SRSF9: variants seen among roughly 807,000 people sequenced by gnomAD.
SRSF9 encodes serine and arginine rich splicing factor 9, also known as serine/arginine-rich splicing factor 9.
In SRSF9, 3 loss-of-function variants were observed where a neutral mutation model predicts 25.9. The observed-to-expected ratio is 0.12, with a 90% confidence interval of 0.05 to 0.30. SRSF9 has a LOEUF of 0.30. Ranked by LOEUF, SRSF9 falls within the 10% of genes least tolerant of loss-of-function variation. SRSF9 has a pLI of 1.00. For synonymous variants in SRSF9, 114 were observed against 113.2 expected (o/e 1.01, Z -0.05); for missense variants, 161 against 303.5 (o/e 0.53, Z 3.49).
intron 2 of SRSF9, chr12:120,464,870 G>A (rs1878448319): frequency 6.6e-6 from 1 of 152,184 alleles, no homozygotes; most frequent in Admixed American, 6.5e-5. Context: ...GATAATGTAT[G>A]ACATCCTGAA....
intron 1 of SRSF9, among the ~76,000 whole-genome samples, chr12:120,467,418 T>C (rs1878503601): frequency 6.6e-6 from 1 of 152,126 alleles, no homozygotes. Flanking sequence ...CGAGAATCTC[T>C]TGAACCCAGG....
intron 3 of SRSF9, chr12:120,462,530 C>T (rs1186797215): frequency 5.8e-6 from 1 of 171,644 alleles, no homozygotes; most frequent in African/African-American, 2.4e-5. Context: ...AATCCCCTGC[C>T]ACCTCATGTA....
At chr12:120,463,362 G>A (rs1195752593) in intron 3 of SRSF9, 1 of 151,880 alleles carries the variant, frequency 6.6e-6, no homozygotes, top group Non-Finnish European at 1.5e-5. Context: ...GGGCCCAGGA[G>A]TTCAAGGTCA....
chr12:120,466,335 G>A (rs141994924), intron 1 of SRSF9, among the ~76,000 whole-genome samples: 278 of 152,132 alleles, frequency 1.8e-3, no homozygotes, highest in African/African-American at 5.8e-3. Flanking sequence ...GGGTGACAGA[G>A]ACCCTGTCCC....
intron 3 of SRSF9, 171 bp from the exon 4 acceptor site, chr12:120,462,333 T>C (rs969855264): frequency 1.8e-6 from 1 of 565,492 alleles, no homozygotes; most frequent in Non-Finnish European, 2.9e-6. Flanking sequence ...GTAGGTACTC[T>C]TACTATCCCA....
At chr12:120,465,816 C>T (rs755766985) in intron 1 of SRSF9, 29 bp from the exon 2 acceptor site, 3 of 1,561,132 alleles carry the variant, frequency 1.9e-6, no homozygotes, top group South Asian at 1.2e-5. Context: ...ACAAAAAAAA[C>T]GTTTGGAGTT....
At chr12:120,468,160 G>A (rs1842416847) in intron 1 of SRSF9, among the ~76,000 whole-genome samples, 1 of 144,530 alleles carries the variant, frequency 6.9e-6, no homozygotes, top group South Asian at 2.2e-4. Context: ...CAGGCTGGGC[G>A]GGTTGCTCAC....
intron 1 of SRSF9, 71 bp from the exon 2 acceptor site, chr12:120,465,858 A>G: frequency 6.9e-7 from 1 of 1,446,192 alleles, no homozygotes. Context: ...TGACTTTCCA[A>G]GTGAGGGGCA....
In SRSF9 at chr12:120,468,824, A is replaced by G. The variant is rs374385949; in HGVS notation, c.188+598T>C. ...AGCATCTCGCCAAGCCTCCCTCATCAAAGGAGGGAAGTGAAATCAGAGCCC... is the reference window on the plus strand; with the variant it reads ...AGCATCTCGCCAAGCCTCCCTCATCGAAGGAGGGAAGTGAAATCAGAGCCC... On this transcript the variant is annotated intron_variant, in intron 1 of 3. Coordinates refer to ENST00000229390, the MANE Select transcript of SRSF9 (RefSeq NM_003769.3). 2.0e-4 allele frequency among the ~76,000 whole-genome samples: 31 copies of G among 152,256 alleles called. No individual in the cohort carries two copies. In the East Asian group the frequency reaches 2.7e-3, roughly 13 times the overall value.
rs1191665929 is a variant in SRSF9, at chr12:120,467,340, A to T, written c.189-1553T>A. Among the ~76,000 whole-genome samples the T allele has an allele frequency of 2.6e-5, 4 of 152,064 alleles. No individual in the cohort carries two copies. The East Asian group carries it at 7.7e-4, about 29-fold the overall frequency. ...CTGGTGAAACCCCTCGTCTCTACTAAAAAGATAAAAATTAGCTGGGCATGG... is the reference window on the plus strand; with the variant it reads ...CTGGTGAAACCCCTCGTCTCTACTATAAAGATAAAAATTAGCTGGGCATGG... On this transcript the variant is annotated intron_variant, in intron 1 of 3. Transcript: ENST00000229390.
chr12:120,466,938 ATTACT>A (rs1310989593), intron 1 of SRSF9, among the ~76,000 whole-genome samples: 5 of 152,222 alleles, frequency 3.3e-5, no homozygotes, highest in African/African-American at 7.2e-5. Flanking sequence ...ATTCAATAAA[ATTACT>A]TTAAGTCTTT....
Position 120,463,769 on chromosome 12 carries a change from T to A in SRSF9, c.522+181A>T, listed in dbSNP as rs1031881120. ...AACAAACGTACCATGAATGCATACT[T>A]CTTTCAGCTATGACCCTGAAGGACT... On this transcript the variant is annotated intron_variant, in intron 3 of 3. Transcript: ENST00000229390. The A allele has an allele frequency of 8.2e-6, 5 of 612,218 alleles. No individual in the cohort carries two copies. In the Admixed American group the frequency reaches 1.5e-4, roughly 18 times the overall value. 37.9% of individuals were successfully genotyped at this position (612,218 alleles called of 1,614,324 possible).
rs755713912 is a variant in SRSF9 at position 120,465,680 on chromosome 12, C to T, written c.296G>A (p.Gly99Asp). The change falls in exon 2 of 4, where the codon GGT becomes GAT. Residue 99 changes from glycine (G) to aspartate (D), a missense_variant. Physicochemically the swap from Gly to Asp is moderately conservative, Grantham distance 94 (BLOSUM62 -1). Around this residue, in one of 3 missense-constraint regions of SRSF9, gnomAD observed 99 missense variants for 156.7 expected, o/e 0.63. Coordinates refer to ENST00000229390, the MANE Select transcript of SRSF9 (RefSeq NM_003769.3). ...TCTTGTAGGAGGCCCATTCCTCCCA[C>T]CACGGGGCCACCCACCCCGACCTCC... ...TYGGRGGWPR[G>D]GRNGPPTRRS... 6.2e-7 allele frequency: 1 copy of T among 1,602,314 alleles called. No homozygotes were observed.
intron 2 of SRSF9, 55 bp downstream of exon 2, chr12:120,465,572 A>C (rs1198783317): frequency 1.3e-6 from 2 of 1,511,032 alleles, no homozygotes; most frequent in Non-Finnish European, 1.8e-6. Flanking sequence ...TGGAAGACAG[A>C]CTCTGTGTTA....
chr12:120,469,385 C>T (rs774440132), intron 1 of SRSF9, 37 bp downstream of exon 1: 73 of 1,520,100 alleles, frequency 4.8e-5, no homozygotes, highest in Non-Finnish European at 5.9e-5. Context: ...GGGCCTCAGG[C>T]ACCGAGGAGG....
intron 3 of SRSF9, 89 bp from the exon 4 acceptor site, chr12:120,462,251 A>G (rs889497020): frequency 2.7e-5 from 38 of 1,401,538 alleles, no homozygotes; most frequent in Non-Finnish European, 3.2e-5. Context: ...ATAATAGTTA[A>G]GTATTGAGCA....
At chr12:120,465,474 A>G (rs1878461297) in intron 2 of SRSF9, 153 bp downstream of exon 2, 1 of 756,480 alleles carries the variant, frequency 1.3e-6, no homozygotes, top group East Asian at 3.4e-5. Context: ...TACTTTCCTC[A>G]TTGGCAATCC....
intron 1 of SRSF9, among the ~76,000 whole-genome samples, chr12:120,468,558 G>A (rs1878542170): frequency 6.6e-6 from 1 of 152,172 alleles, no homozygotes; most frequent in Non-Finnish European, 1.5e-5. Context: ...CAGGTAGGTC[G>A]GACACCCTAC....
rs1432820831 is a variant in SRSF9, at chr12:120,463,989, G to T, written c.483C>A (p.Ala161=). ...EYLRKEDMEY[A]LRKLDDTKFR... is the part of the protein sequence containing the mutation. ...ATTTGGTGTCATCCAGTTTACGCAG[G>T]GCATATTCCATGTCTTCTTTTCTGA... is the stretch of plus-strand genomic sequence containing the variant. The change falls in exon 3 of 4, where the codon GCC becomes GCA. Residue 161 remains alanine (A), a synonymous_variant. Coordinates refer to ENST00000229390, the MANE Select transcript of SRSF9 (RefSeq NM_003769.3). 1.2e-6 allele frequency: 2 copies of T among 1,613,664 alleles called. No homozygotes were observed. The highest frequency in any genetic ancestry group is 3.3e-5 in the Admixed American group (2 of 59,956).
Sources: allele counts gnomAD v4.1 joint callset (sites outside exome capture counted in the v4.1 genomes callset), GRCh38; gene constraint gnomAD v4.1.1; regional missense constraint gnomAD v4.1.1; transcripts MANE v1.5; gene names NCBI Gene and HGNC (gene_info 2026-07-23, HGNC 2026-07-21).